The following NOL4 variants were observed in gnomAD, a reference collection of about 807,000 sequenced individuals.
The protein encoded by NOL4 is nucleolar protein 4, also known as cancer/testis antigen 125.
NOL4 carries 17 observed loss-of-function variants against 75.9 expected under a neutral mutation model. The ratio of observed to expected loss-of-function variants is 0.22; its 90% confidence interval spans 0.15 to 0.34. The LOEUF (loss-of-function observed/expected upper bound fraction) is 0.34. Among genes scored for constraint, NOL4 ranks in the 10% least tolerant of loss-of-function variants. The pLI is 1.00. For synonymous variants in NOL4, 292 were observed against 289.9 expected, an observed-to-expected ratio of 1.01 and a Z score of -0.07; for missense variants, 614 against 793.5, an observed-to-expected ratio of 0.77 and a Z score of 2.72.
At chr18:33,995,425 A>G (rs990742022) in intron 6 of NOL4, among the ~76,000 whole-genome samples, 2 of 151,704 alleles carry the variant, frequency 1.3e-5, no homozygotes, top group African/African-American at 2.4e-5. Context: ...TGATCTACTA[A>G]GATTTATTCA....
At chr18:34,004,948 C>T (rs1442881410) in intron 6 of NOL4, among the ~76,000 whole-genome samples, 1 of 151,966 alleles carries the variant, frequency 6.6e-6, no homozygotes, top group African/African-American at 2.4e-5. Context: ...GGAGTGCAAA[C>T]CTATGCTTTT....
At chr18:34,098,176 T>G (rs1279333754) in intron 4 of NOL4, among the ~76,000 whole-genome samples, 1 of 152,066 alleles carries the variant, frequency 6.6e-6, no homozygotes, top group Non-Finnish European at 1.5e-5. Flanking sequence ...TATTTCTCTC[T>G]CCTCCCCTTG....
chr18:33,982,026 C>T (rs1209667360), intron 6 of NOL4, among the ~76,000 whole-genome samples: 1 of 151,772 alleles, frequency 6.6e-6, no homozygotes, highest in Non-Finnish European at 1.5e-5. Context: ...CTAGAGCAAG[C>T]ACTAGAAACA....
At chr18:33,983,670 A>G (rs2072184459) in intron 6 of NOL4, among the ~76,000 whole-genome samples, 1 of 152,052 alleles carries the variant, frequency 6.6e-6, no homozygotes, top group South Asian at 2.1e-4. Flanking sequence ...ATATATGTAA[A>G]CATGCATAAT....
chr18:34,105,297 C>A, intron 2 of NOL4, 137 bp from the exon 3 acceptor site: 1 of 583,570 alleles, frequency 1.7e-6, no homozygotes, highest in Non-Finnish European at 3.1e-6. Flanking sequence ...GCATTGCATA[C>A]CATGCATCAT....
At chr18:34,200,185 T>G (rs142415338) in intron 1 of NOL4, among the ~76,000 whole-genome samples, 14 of 151,862 alleles carry the variant, frequency 9.2e-5, no homozygotes, top group African/African-American at 3.1e-4. Context: ...GAAACTTCAT[T>G]TTCAGCCATC....
chr18:33,966,616 A>T (rs961046803), intron 6 of NOL4, among the ~76,000 whole-genome samples: 1 of 152,190 alleles, frequency 6.6e-6, no homozygotes, highest in Non-Finnish European at 1.5e-5. Context: ...CAAAATCAAC[A>T]TATAAAAATC....
chr18:33,997,864 T>A (rs2146194135), intron 6 of NOL4, among the ~76,000 whole-genome samples: 1 of 151,726 alleles, frequency 6.6e-6, no homozygotes, highest in Non-Finnish European at 1.5e-5. Context: ...AACCCAAATG[T>A]CCATCAATTG....
intron 6 of NOL4, among the ~76,000 whole-genome samples, chr18:33,962,562 C>A (rs897547942): frequency 6.6e-5 from 10 of 152,080 alleles, no homozygotes; most frequent in Non-Finnish European, 1.2e-4. Context: ...ACTATATAGT[C>A]AGTGGAGGAA....
At chr18:34,061,563 C>T (rs1166076678) in intron 5 of NOL4, among the ~76,000 whole-genome samples, 1 of 152,054 alleles carries the variant, frequency 6.6e-6, no homozygotes, top group East Asian at 1.9e-4. Flanking sequence ...TCTTTCAAGG[C>T]ACATATACAA....
chr18:34,125,239 T>C (rs2080332527), intron 2 of NOL4, among the ~76,000 whole-genome samples: 3 of 152,200 alleles, frequency 2.0e-5, no homozygotes, highest in Admixed American at 2.0e-4. Flanking sequence ...AAAGACTTCC[T>C]GGCATGAATC....
intron 4 of NOL4, among the ~76,000 whole-genome samples, chr18:34,094,013 G>A (rs2078649972): frequency 6.6e-6 from 1 of 152,100 alleles, no homozygotes; most frequent in South Asian, 2.1e-4. Context: ...CTGCACTCCA[G>A]CCTGGGCAAC....
chr18:34,024,592 G>A (rs2075252608), intron 5 of NOL4, among the ~76,000 whole-genome samples: 1 of 151,968 alleles, frequency 6.6e-6, no homozygotes, highest in Non-Finnish European at 1.5e-5. Flanking sequence ...AACAAAGGAA[G>A]CTTATCTATC....
chr18:34,048,828 G>A (rs927126978), intron 5 of NOL4, among the ~76,000 whole-genome samples: 4 of 152,144 alleles, frequency 2.6e-5, no homozygotes, highest in African/African-American at 9.6e-5. Flanking sequence ...TTAAGAACAT[G>A]GCTGGAAGAT....
intron 1 of NOL4, among the ~76,000 whole-genome samples, chr18:34,183,087 G>GAAC (rs1759341453): frequency 6.6e-6 from 1 of 151,762 alleles, no homozygotes; most frequent in South Asian, 2.1e-4. Flanking sequence ...TCTGCTCTGT[G>GAAC]AAACACACAA....
At chr18:33,945,466 A>T (rs879376568) in intron 8 of NOL4, among the ~76,000 whole-genome samples, 38 of 151,852 alleles carry the variant, frequency 2.5e-4, no homozygotes, top group Non-Finnish European at 3.8e-4. Flanking sequence ...TTTAAAAACA[A>T]CTTTTACTAC....
chr18:34,071,434 G>GACACAC (rs879681812), intron 5 of NOL4, among the ~76,000 whole-genome samples: 49 of 66,516 alleles, frequency 7.4e-4, no homozygotes, highest in Non-Finnish European at 1.1e-3. Context: ...CAGACAGACA[G>GACACAC]ACAGACACAC....
intron 1 of NOL4, among the ~76,000 whole-genome samples, chr18:34,132,951 T>C (rs187841978): frequency 6.6e-6 from 1 of 152,082 alleles, no homozygotes; most frequent in East Asian, 1.9e-4. Flanking sequence ...AGGAATCTTA[T>C]AGCCAGAGAA....
intron 10 of NOL4, among the ~76,000 whole-genome samples, chr18:33,874,486 A>G (rs1309984246): frequency 6.6e-6 from 1 of 152,106 alleles, no homozygotes; most frequent in East Asian, 1.9e-4. Flanking sequence ...GATACAGTGA[A>G]GATCCCCTAA....
Sources: gnomAD v4.1 joint callset for allele counts (sites outside exome capture counted in the v4.1 genomes callset) on GRCh38, gnomAD v4.1.1 for gene constraint, MANE v1.5 for transcripts, NCBI Gene and HGNC (gene_info 2026-07-23, HGNC 2026-07-21) for gene names.